Variants in XYLT1 observed in about 807,000 individuals in gnomAD.
The protein encoded by XYLT1 is xylosyltransferase 1.
Under a neutral mutation model 91.3 loss-of-function variants are expected in XYLT1, and 36 were observed. The ratio of observed to expected loss-of-function variants is 0.39; its 90% CI spans 0.30 to 0.52. The LOEUF (loss-of-function observed/expected upper bound fraction) is 0.52, where lower values mean the gene tolerates loss of function less well. Among genes scored for constraint, XYLT1 ranks in the 20% least tolerant of loss-of-function variants. The pLI is 0.68. For synonymous variants in XYLT1, 588 were observed against 532.0 expected (o/e 1.11, Z -1.45); for missense variants, 1,242 against 1,284.5 (o/e 0.97, Z 0.51).
intron 7 of XYLT1, among the ~76,000 whole-genome samples, chr16:17,140,491 T>C (rs1428384535): frequency 6.6e-6 from 1 of 151,576 alleles, no homozygotes; most frequent in Non-Finnish European, 1.5e-5. Flanking sequence ...CAAAACCCCA[T>C]CTCTACTAAA....
chr16:17,228,928 T>C (rs2033114527), intron 3 of XYLT1, among the ~76,000 whole-genome samples: 1 of 152,132 alleles, frequency 6.6e-6, no homozygotes, highest in South Asian at 2.1e-4. Context: ...GCCACACAGC[T>C]AGAGTTACAG....
rs372923585 is a variant in XYLT1 at position 17,259,277 on chromosome 16, G to A, written c.624C>T (p.Phe208=). The A allele has an allele frequency of 8.0e-5, 129 of 1,614,090 alleles. 1 individual carries two copies. In the Middle Eastern group the frequency reaches 8.2e-4, roughly 10 times the overall value. Residue 208 remains phenylalanine (F), a synonymous_variant, in exon 3 of 12, where the codon TTC becomes TTT. Coordinates refer to ENST00000261381, the MANE Select transcript of XYLT1 (RefSeq NM_022166.4). ...GCACCTCACCGGGGCCTTTCCCAGG[G>A]AATGTATGTCCTTTTCCTTTCTCCT... is the stretch of plus-strand genomic sequence containing the variant. ...EQQEKGKGHT[F]PGKGPGEVLP... is the part of the protein sequence containing the mutation.
At chr16:17,427,615 C>T (rs1031068582) in intron 1 of XYLT1, among the ~76,000 whole-genome samples, 1 of 152,164 alleles carries the variant, frequency 6.6e-6, no homozygotes, top group Non-Finnish European at 1.5e-5. Context: ...CGTCACCCCA[C>T]ATCCCCAACA....
intron 6 of XYLT1, among the ~76,000 whole-genome samples, chr16:17,155,391 T>C (rs1276717408): frequency 6.6e-6 from 1 of 152,230 alleles, no homozygotes; most frequent in Non-Finnish European, 1.5e-5. Context: ...GATTTAGCCA[T>C]ACCTGAAGTC....
chr16:17,442,359 AG>A (rs2036541795), intron 1 of XYLT1, among the ~76,000 whole-genome samples: 2 of 152,232 alleles, frequency 1.3e-5, no homozygotes, highest in African/African-American at 2.4e-5. Context: ...ATTGCAGATC[AG>A]AATCAAAAGT....
chr16:17,249,234 G>A (rs917960474), intron 3 of XYLT1, among the ~76,000 whole-genome samples: 1 of 152,182 alleles, frequency 6.6e-6, no homozygotes, highest in African/African-American at 2.4e-5. Context: ...GTCCCAGGTG[G>A]TGGATGCCAT....
At position 17,157,096 on chromosome 16, in the gene XYLT1, C is replaced by T. The variant is rs964682342; in HGVS notation, c.1370+1733G>A. 4.6e-5 allele frequency among the ~76,000 whole-genome samples: 7 copies of T among 152,096 alleles called. No individual in the cohort carries two copies. The East Asian group carries it at 7.8e-4, about 17-fold the overall frequency. On this transcript the variant is annotated intron_variant, in intron 6 of 11. Coordinates refer to ENST00000261381, the MANE Select transcript of XYLT1 (RefSeq NM_022166.4). Reference sequence around the variant, plus strand: ...CCAAGTAGCTGGGATTATAGGTGTGCACCACCACACCCGGCTAATTTTTGT... The same window carrying T: ...CCAAGTAGCTGGGATTATAGGTGTGTACCACCACACCCGGCTAATTTTTGT...
intron 3 of XYLT1, among the ~76,000 whole-genome samples, chr16:17,248,779 G>T (rs368120920): frequency 7.6e-6 from 1 of 132,170 alleles, no homozygotes; most frequent in East Asian, 2.1e-4. Flanking sequence ...ATGGAGTCTC[G>T]CTCTGTCATC....
intron 6 of XYLT1, among the ~76,000 whole-genome samples, chr16:17,151,363 T>C (rs1399708213): frequency 6.6e-6 from 1 of 151,932 alleles, no homozygotes; most frequent in Admixed American, 6.6e-5. Flanking sequence ...CAGGTGGAGG[T>C]TGGAGTGAGC....
Position 17,127,566 on chromosome 16 carries a change from C to T in XYLT1, c.2223+100G>A, listed in dbSNP as rs4782034. On this transcript the variant is annotated intron_variant, in intron 10 of 11. Transcript: ENST00000261381. ...TTATCTTTAGGGATCTCCAAGTCCT[C>T]TTCTCCTCCATCTCCAACTAGAAGT... 1,354,178 of 1,410,332 alleles carry T rather than the reference C, an allele frequency of 0.96. 650,617 individuals carry two copies. The highest frequency in any genetic ancestry group is 0.98 in the Admixed American group (44,689 of 45,518). 87.4% of individuals were successfully genotyped at this position (1,410,332 alleles called of 1,614,324 possible).
chr16:17,327,067 C>T (rs1320724486), intron 2 of XYLT1, among the ~76,000 whole-genome samples: 1 of 152,190 alleles, frequency 6.6e-6, no homozygotes, highest in Non-Finnish European at 1.5e-5. Flanking sequence ...TAGACAAGTT[C>T]TGAGGAGCTA....
At chr16:17,338,637 T>A (rs1289446163) in intron 2 of XYLT1, 1 of 381,516 alleles carries the variant, frequency 2.6e-6, no homozygotes, top group African/African-American at 2.1e-5. Flanking sequence ...CCCTTTTTTT[T>A]GGGACGGAGT....
intron 1 of XYLT1, among the ~76,000 whole-genome samples, chr16:17,404,921 C>G (rs1041586710): frequency 1.3e-5 from 2 of 152,204 alleles, no homozygotes; most frequent in East Asian, 3.9e-4. Context: ...TAAGGGCTGC[C>G]TCTTTGCACA....
chr16:17,194,628 G>A (rs2032388744), intron 5 of XYLT1, among the ~76,000 whole-genome samples: 1 of 152,206 alleles, frequency 6.6e-6, no homozygotes, highest in Non-Finnish European at 1.5e-5. Context: ...CTCATGGGGT[G>A]GGACTGTTTC....
chr16:17,391,181 T>C (rs1473447127), intron 1 of XYLT1, among the ~76,000 whole-genome samples: 1 of 152,216 alleles, frequency 6.6e-6, no homozygotes, highest in East Asian at 1.9e-4. Context: ...GAACCTAAGA[T>C]TGGCCTTTTG....
At chr16:17,184,791 G>T (rs2032148056) in intron 5 of XYLT1, among the ~76,000 whole-genome samples, 1 of 152,192 alleles carries the variant, frequency 6.6e-6, no homozygotes, top group African/African-American at 2.4e-5. Context: ...TTCTCTGCTA[G>T]CCAAAGAAGG....
At chr16:17,247,834 G>C (rs1041960193) in intron 3 of XYLT1, among the ~76,000 whole-genome samples, 7 of 142,032 alleles carry the variant, frequency 4.9e-5, no homozygotes, top group Admixed American at 1.4e-4. Context: ...AGCACTGTAA[G>C]AGGAGGAAAG....
intron 4 of XYLT1, among the ~76,000 whole-genome samples, chr16:17,200,087 G>A (rs1465115164): frequency 3.3e-5 from 5 of 151,980 alleles, no homozygotes; most frequent in Non-Finnish European, 7.4e-5. Flanking sequence ...CGGGTGTGGT[G>A]GCATGCACCT....
rs1305265610 is a variant in XYLT1, at chr16:17,365,895, T to C, written c.364-7845A>G. On this transcript the variant is annotated intron_variant, in intron 1 of 11. Transcript: ENST00000261381. ...CTCCTGTATTTAATACTTTGTTCTG[T>C]GTGTGCCTCAAGAGGTTTTGTAATT... Among the ~76,000 whole-genome samples the C allele has an allele frequency of 6.6e-5, 10 of 152,276 alleles. No individual in the cohort carries two copies. The East Asian group carries it at 1.5e-3, about 24-fold the overall frequency.
Sources: allele counts gnomAD v4.1 joint callset (sites outside exome capture counted in the v4.1 genomes callset), GRCh38; gene constraint gnomAD v4.1.1; transcripts MANE v1.5; gene names NCBI Gene and HGNC (gene_info 2026-07-23, HGNC 2026-07-21).